Variants in ZNF765 observed in about 807,000 individuals in gnomAD.
ZNF765 encodes the protein zinc finger protein 765.
ZNF765 carries 37 observed loss-of-function variants against 44.7 expected under a neutral mutation model. That is an observed-to-expected ratio of 0.83 (90% confidence interval 0.64 to 1.09). ZNF765 has a LOEUF of 1.09. ZNF765 is among the 50% of genes least tolerant of loss of function. ZNF765 has a pLI of 0.00. For synonymous variants in ZNF765, 201 were observed against 213.7 expected, an observed-to-expected ratio of 0.94 and a Z score of 0.52; for missense variants, 594 against 626.1, an observed-to-expected ratio of 0.95 and a Z score of 0.55.
chr19:53,418,491 G>C (rs543862830), intron 3 of ZNF765, among the ~76,000 whole-genome samples: 3 of 152,230 alleles, frequency 2.0e-5, no homozygotes, highest in Admixed American at 6.5e-5. Flanking sequence ...ATATAATACT[G>C]ACTGGCATGA....
intron 1 of ZNF765, among the ~76,000 whole-genome samples, chr19:53,396,371 A>G (rs1234837029): frequency 3.9e-5 from 6 of 152,222 alleles, no homozygotes; most frequent in Non-Finnish European, 8.8e-5. Context: ...TATTTAAGGT[A>G]CGCACCGGCT....
intron 1 of ZNF765, among the ~76,000 whole-genome samples, chr19:53,396,037 G>A (rs2085665525): frequency 6.6e-6 from 1 of 151,744 alleles, no homozygotes; most frequent in Non-Finnish European, 1.5e-5. Context: ...CTGGAGAAAT[G>A]TAGAGAAAAG....
At chr19:53,404,372 G>T (rs1328066650) in intron 3 of ZNF765, among the ~76,000 whole-genome samples, 3 of 152,110 alleles carry the variant, frequency 2.0e-5, no homozygotes, top group Non-Finnish European at 4.4e-5. Context: ...CACCGTGCCC[G>T]GCCTGTCTTT....
At chr19:53,400,215 C>A (rs562668983) in intron 2 of ZNF765, among the ~76,000 whole-genome samples, 2 of 152,114 alleles carry the variant, frequency 1.3e-5, no homozygotes, top group African/African-American at 4.8e-5. Context: ...TATTTTACTT[C>A]GATATTTGAT....
intron 2 of ZNF765, among the ~76,000 whole-genome samples, chr19:53,400,366 C>G (rs2085711474): frequency 6.6e-6 from 1 of 152,116 alleles, no homozygotes; most frequent in Admixed American, 6.5e-5. Flanking sequence ...TAGTGGCTGC[C>G]TCTGTGCACA....
chr19:53,414,434 ACCACACACACAC>A (rs1490408309), downstream of ZNF765, among the ~76,000 whole-genome samples: 98 of 51,796 alleles, frequency 1.9e-3, 3 homozygotes, highest in Middle Eastern at 0.012. Flanking sequence ...GACCCTCCCC[ACCACACACACAC>A]ACACACACAC....
At chr19:53,412,402 T>C (rs1341874106), downstream of ZNF765, among the ~76,000 whole-genome samples, 3 of 152,180 alleles carry the variant, frequency 2.0e-5, no homozygotes. Flanking sequence ...CCTTTTTACA[T>C]CCTCTTGAAT....
downstream of ZNF765, among the ~76,000 whole-genome samples, chr19:53,415,099 T>C (rs34392527): frequency 0.76 from 114,924 of 151,900 alleles, 44,456 homozygotes; most frequent in Admixed American, 0.84. Flanking sequence ...TGGTGAAACT[T>C]GTCTCTACTA....
chr19:53,413,314 G>A (rs1600062997), downstream of ZNF765: 1 of 586,460 alleles, frequency 1.7e-6, no homozygotes, highest in East Asian at 4.4e-5. Context: ...TTTAAAAGGA[G>A]ACATTGGAGA....
chr19:53,396,523 C>T (rs1159646796), intron 1 of ZNF765, among the ~76,000 whole-genome samples: 1 of 152,172 alleles, frequency 6.6e-6, no homozygotes, highest in Non-Finnish European at 1.5e-5. Context: ...AACTTGTGGC[C>T]TTGCATAGCT....
intron 3 of ZNF765, among the ~76,000 whole-genome samples, chr19:53,404,933 A>T (rs1310070598): frequency 6.6e-6 from 1 of 152,182 alleles, no homozygotes; most frequent in Non-Finnish European, 1.5e-5. Flanking sequence ...AATAGCTTAG[A>T]CTGGCCACCC....
rs1568780200 is a variant in ZNF765, at chr19:53,407,790, A to G, written c.235A>G (p.Ser79Gly). The G allele has an allele frequency of 6.2e-7, 1 of 1,612,692 alleles. No homozygotes were observed. Among genetic ancestry groups the G allele is most frequent in the Non-Finnish European group, 8.5e-7 (1 of 1,179,318 alleles). The change falls in exon 4 of 4, where the codon AGT becomes GGT. Residue 79 changes from serine (S) to glycine (G), a missense_variant. Ser to Gly is a moderately conservative substitution (Grantham distance 56). This residue lies in a region of ZNF765 where 567 missense variants were observed against 572.6 expected (regional missense o/e 0.99). Transcript: ENST00000396408. ...TGCAGGGACATCTCAAAGACATGAAAGTCATCACAATGGAGATTTTTGTTT... is the reference window on the plus strand; with the variant it reads ...TGCAGGGACATCTCAAAGACATGAAGGTCATCACAATGGAGATTTTTGTTT... Reference protein sequence around the residue: ...FHAGTSQRHESHHNGDFCFQD... With the variant: ...FHAGTSQRHEGHHNGDFCFQD...
downstream of ZNF765, among the ~76,000 whole-genome samples, chr19:53,415,278 AAAAAG>A (rs1280683936): frequency 2.8e-4 from 42 of 152,246 alleles, no homozygotes; most frequent in Middle Eastern, 3.4e-3. Flanking sequence ...CTCGAAAAAA[AAAAAG>A]AAAAGAAAAA....
chr19:53,399,401 C>T (rs1325429054), intron 2 of ZNF765, among the ~76,000 whole-genome samples: 1 of 152,052 alleles, frequency 6.6e-6, no homozygotes, highest in Non-Finnish European at 1.5e-5. Flanking sequence ...TCCAAACTCA[C>T]TGGGGAGTCA....
chr19:53,408,108 G>A lies in ZNF765; in HGVS notation c.553G>A (p.Glu185Lys), dbSNP rs1191171674. The change falls in exon 4 of 4, where the codon GAA becomes AAA. Residue 185 changes from glutamate (E) to lysine (K), a missense_variant. Physicochemically the swap from Glu to Lys is moderately conservative, Grantham distance 56. Coordinates refer to ENST00000396408, the MANE Select transcript of ZNF765 (RefSeq NM_001040185.3). ...STAQRISCRP[E>K]THISNDYGNN... ...AGCCCAAAGAATTTCTTGTAGGCCT[G>A]AAACCCATATTTCTAATGACTATGG... The A allele has an allele frequency of 1.2e-6, 2 of 1,614,060 alleles. No homozygotes were observed. The highest frequency in any genetic ancestry group is 4.5e-5 in the East Asian group (2 of 44,868).
At chr19:53,403,756 C>T (rs1332498019) in intron 3 of ZNF765, among the ~76,000 whole-genome samples, 4 of 151,692 alleles carry the variant, frequency 2.6e-5, no homozygotes, top group African/African-American at 4.8e-5. Context: ...GCAGGAGAGT[C>T]GCTTGAACCC....
chr19:53,426,251 A>G (rs1260657878), exon 4 of ZNF765: 1 of 152,500 alleles, frequency 6.6e-6, no homozygotes, highest in African/African-American at 2.4e-5. Context: ...TCAGCGGGGA[A>G]TGTGCCTGCT....
chr19:53,410,594 G>A lies in ZNF765; in HGVS notation c.*1467G>A. The A allele has an allele frequency of 6.6e-6, 3 of 456,406 alleles. No homozygotes were observed. Among genetic ancestry groups the A allele is most frequent in the South Asian group, 5.3e-5 (3 of 56,110 alleles). The allele number at this position is 456,406 out of a possible 1,614,324, so 28.3% of individuals were successfully genotyped here. ...CATGGTGTAGGGAAACTTTACTTAT[G>A]TAATGATTGTCACAAAGTCTTCAGT... is the stretch of plus-strand genomic sequence containing the variant. On this transcript the variant is annotated 3_prime_UTR_variant, in exon 4 of 4. Coordinates refer to ENST00000396408, the MANE Select transcript of ZNF765 (RefSeq NM_001040185.3).
intron 3 of ZNF765, among the ~76,000 whole-genome samples, chr19:53,420,478 T>C (rs990110960): frequency 3.9e-5 from 6 of 152,326 alleles, no homozygotes; most frequent in Non-Finnish European, 5.9e-5. Flanking sequence ...TCAACACTTA[T>C]TGTTTTACTC....
Sources: gnomAD v4.1 joint callset for allele counts (sites outside exome capture counted in the v4.1 genomes callset) on GRCh38, gnomAD v4.1.1 for gene constraint, gnomAD v4.1.1 regional missense constraint, MANE v1.5 for transcripts, NCBI Gene and HGNC (gene_info 2026-07-23, HGNC 2026-07-21) for gene names.